Variants in FMN2 observed in about 807,000 individuals in gnomAD.
FMN2 encodes formin 2.
In FMN2, 51 loss-of-function variants were observed where a neutral mutation model predicts 142.3. The ratio of observed to expected loss-of-function variants is 0.36; its 90% CI spans 0.29 to 0.45. The LOEUF (loss-of-function observed/expected upper bound fraction) is 0.45, where lower values mean the gene tolerates loss of function less well. Ranked by LOEUF, FMN2 falls within the 20% of genes least tolerant of loss-of-function variation. FMN2 has a pLI of 1.00. For synonymous variants in FMN2, 882 were observed against 869.8 expected (o/e 1.01, Z -0.25); for missense variants, 1,936 against 2,122.8 (o/e 0.91, Z 1.73).
At chr1:240,426,441 T>C (rs1281171631) in intron 15 of FMN2, among the ~76,000 whole-genome samples, 1 of 152,180 alleles carries the variant, frequency 6.6e-6, no homozygotes, top group African/African-American at 2.4e-5. Context: ...TTTTAAAAGA[T>C]GTGTATAGCT....
chr1:240,228,816 G>A (rs1043336019), intron 6 of FMN2, among the ~76,000 whole-genome samples: 2 of 151,902 alleles, frequency 1.3e-5, no homozygotes, highest in Non-Finnish European at 1.5e-5. Context: ...AAAATAAATG[G>A]TCAAAAGTTT....
At chr1:240,114,387 T>C (rs1350071604) in intron 1 of FMN2, among the ~76,000 whole-genome samples, 1 of 152,144 alleles carries the variant, frequency 6.6e-6, no homozygotes, top group Non-Finnish European at 1.5e-5. Flanking sequence ...TTTCTTTTGT[T>C]CCAGAGGCTG....
chr1:240,346,284 TAAA>T (rs1465817003), intron 13 of FMN2, among the ~76,000 whole-genome samples: 1 of 151,656 alleles, frequency 6.6e-6, no homozygotes, highest in African/African-American at 2.4e-5. Flanking sequence ...ATAATAATAA[TAAA>T]AATAATTATA....
chr1:240,340,363 T>G (rs1671705476), intron 13 of FMN2, among the ~76,000 whole-genome samples: 1 of 152,026 alleles, frequency 6.6e-6, no homozygotes, highest in African/African-American at 2.4e-5. Flanking sequence ...GGTGGATTGC[T>G]TGAGGTCAGG....
Position 240,092,268 on chromosome 1 carries a change from G to GGGC in FMN2, c.174_176dup (p.Gly59dup). On this transcript the variant is annotated inframe_insertion, in exon 1 of 18. Coordinates refer to ENST00000319653, the MANE Select transcript of FMN2 (RefSeq NM_020066.5). ...TAGGCAAGCACGGCAAGGGGGGAGG[G>GGGC]GGCGGCGGCGGCGGCGGGGAGTCGG... 4 of 1,565,686 alleles carry GGGC rather than the reference G, an allele frequency of 2.6e-6. No individual in the cohort carries two copies. The highest frequency in any genetic ancestry group is 1.4e-5 in the African/African-American group (1 of 73,348).
rs140738022 is a variant in FMN2, at chr1:240,143,968, A to C, written c.1782+20623A>C. 139 of 1,415,530 alleles carry C rather than the reference A, an allele frequency of 9.8e-5. No individual in the cohort carries two copies. The African/African-American group carries it at 1.8e-3, about 18-fold the overall frequency. 87.7% of individuals were successfully genotyped at this position (1,415,530 alleles called of 1,614,324 possible). A position where few individuals can be genotyped will look rare whatever the true frequency, so the allele number is the denominator to read the frequency against. ...GTCTCATGGTGTTGCTGTTGTGGAG[A>C]ACATAGTCTGAAAGCAGTCCCAGAG... On this transcript the variant is annotated intron_variant, in intron 2 of 17. Coordinates refer to ENST00000319653, the MANE Select transcript of FMN2 (RefSeq NM_020066.5).
chr1:240,396,178 T>C (rs1572264385), intron 15 of FMN2, among the ~76,000 whole-genome samples: 1 of 152,338 alleles, frequency 6.6e-6, no homozygotes, highest in Middle Eastern at 3.4e-3. Context: ...TAATAGACTA[T>C]AGTATAATGT....
chr1:240,227,922 T>C (rs1667372073), intron 6 of FMN2, among the ~76,000 whole-genome samples: 1 of 152,038 alleles, frequency 6.6e-6, no homozygotes, highest in South Asian at 2.1e-4. Flanking sequence ...TGTTTGCAAG[T>C]CACAAATCTG....
chr1:240,223,365 T>C (rs994983471), intron 6 of FMN2, among the ~76,000 whole-genome samples: 5 of 152,142 alleles, frequency 3.3e-5, no homozygotes, highest in Admixed American at 3.3e-4. Flanking sequence ...GCTTTTTGAT[T>C]TGCTGCTGGA....
intron 14 of FMN2, among the ~76,000 whole-genome samples, chr1:240,378,895 A>G (rs1189774786): frequency 6.6e-6 from 1 of 152,188 alleles, no homozygotes; most frequent in Non-Finnish European, 1.5e-5. Flanking sequence ...CTACATTCGT[A>G]TTAATATCCT....
intron 6 of FMN2, among the ~76,000 whole-genome samples, chr1:240,221,709 GT>G (rs1169061618): frequency 6.6e-6 from 1 of 151,996 alleles, no homozygotes; most frequent in Non-Finnish European, 1.5e-5. Context: ...ATGATAGTTT[GT>G]TTTGCTGTGC....
chr1:240,388,035 A>G (rs549983302), intron 14 of FMN2, among the ~76,000 whole-genome samples: 163 of 151,636 alleles, frequency 1.1e-3, no homozygotes, highest in Non-Finnish European at 2.0e-3. Context: ...AAATTAAGCC[A>G]GGCGTGGTGG....
In FMN2 at chr1:240,159,960, T is replaced by A. The variant is rs1382064680; in HGVS notation, c.1783-17961T>A. Among the ~76,000 whole-genome samples, 5 of 119,556 alleles carry A rather than the reference T, an allele frequency of 4.2e-5. No homozygotes were observed. The East Asian group carries it at 6.9e-4, about 16-fold the overall frequency. 78.4% of individuals were successfully genotyped at this position (119,556 alleles called of 152,430 possible). ...GTGTATATATATATATCTATATCTG[T>A]GTATATATATATATACACACACACA... On this transcript the variant is annotated intron_variant, in intron 2 of 17. Coordinates refer to ENST00000319653, the MANE Select transcript of FMN2 (RefSeq NM_020066.5).
intron 16 of FMN2, among the ~76,000 whole-genome samples, chr1:240,464,734 C>T (rs1676557548): frequency 6.6e-6 from 1 of 152,150 alleles, no homozygotes; most frequent in Non-Finnish European, 1.5e-5. Context: ...CCCCTCCAGA[C>T]CCCACAGCAT....
intron 6 of FMN2, among the ~76,000 whole-genome samples, chr1:240,257,298 G>C (rs560767833): frequency 1.3e-5 from 2 of 152,190 alleles, no homozygotes; most frequent in African/African-American, 4.8e-5. Context: ...CCAGACTTGA[G>C]ATTGTGCTGA....
intron 2 of FMN2, among the ~76,000 whole-genome samples, chr1:240,157,692 G>A (rs1191185923): frequency 6.6e-6 from 1 of 151,988 alleles, no homozygotes; most frequent in Non-Finnish European, 1.5e-5. Context: ...GATATTTCAG[G>A]CATTATGATT....
intron 5 of FMN2, among the ~76,000 whole-genome samples, chr1:240,209,135 A>G (rs1666574672): frequency 1.3e-5 from 2 of 152,228 alleles, no homozygotes; most frequent in Admixed American, 6.5e-5. Context: ...GCAGGTAAGC[A>G]GAGACATTTG....
intron 2 of FMN2, chr1:240,143,278 T>C: frequency 8.4e-6 from 13 of 1,550,210 alleles, no homozygotes; most frequent in East Asian, 2.2e-5. Flanking sequence ...GTATCCAGGA[T>C]GTTGATTTGA....
chr1:240,118,803 T>A (rs971527259), intron 1 of FMN2, among the ~76,000 whole-genome samples: 1 of 151,724 alleles, frequency 6.6e-6, no homozygotes, highest in Non-Finnish European at 1.5e-5. Flanking sequence ...GGAGCAGAGG[T>A]GGAACGTGGG....
Sources: allele counts gnomAD v4.1 joint callset (sites outside exome capture counted in the v4.1 genomes callset), GRCh38; gene constraint gnomAD v4.1.1; transcripts MANE v1.5; gene names NCBI Gene and HGNC (gene_info 2026-07-23, HGNC 2026-07-21).